DGKB: variants seen among roughly 807,000 people sequenced by gnomAD.
The protein encoded by DGKB is 90 kDa diacylglycerol kinase.
In DGKB, 67 loss-of-function variants were observed where a neutral mutation model predicts 114.3. The observed-to-expected ratio is 0.59, with a 90% CI of 0.48 to 0.72. The LOEUF (loss-of-function observed/expected upper bound fraction) is 0.72, where lower values mean the gene tolerates loss of function less well. Ranked by LOEUF, DGKB falls within the 30% of genes least tolerant of loss-of-function variation. The probability of loss-of-function intolerance (pLI) is 0.00; values close to 1 mark genes in which losing one functional copy is unlikely to be tolerated. For missense variants in DGKB, 907 were observed against 975.2 expected (o/e 0.93, Z 0.93); for synonymous variants, 398 against 323.1 (o/e 1.23, Z -2.49).
intron 17 of DGKB, among the ~76,000 whole-genome samples, chr7:14,589,629 G>C (rs917537115): frequency 2.0e-5 from 3 of 151,744 alleles, no homozygotes; most frequent in African/African-American, 7.3e-5. Flanking sequence ...AAAATATTAA[G>C]TTTTTCTGCA....
intron 1 of DGKB, among the ~76,000 whole-genome samples, chr7:14,951,372 T>C (rs1177474830): frequency 1.3e-5 from 2 of 151,884 alleles, no homozygotes; most frequent in African/African-American, 4.8e-5. Context: ...GGAAGAACAT[T>C]AAATGTAAGT....
At chr7:14,970,124 A>C (rs78690314) in intron 1 of DGKB, among the ~76,000 whole-genome samples, 5,080 of 152,230 alleles carry the variant, frequency 0.033, 295 homozygotes, top group African/African-American at 0.11. Context: ...AATCCCAATA[A>C]ATTATATGAC....
intron 1 of DGKB, among the ~76,000 whole-genome samples, chr7:14,856,841 T>C (rs1035835916): frequency 6.6e-6 from 1 of 152,164 alleles, no homozygotes; most frequent in African/African-American, 2.4e-5. Context: ...GCTGCCAAAT[T>C]CCTCCCAAAC....
At position 14,280,820 on chromosome 7, in the gene DGKB, TG is replaced by T. The variant is rs546484567; in HGVS notation, c.2122+57694del. On this transcript the variant is annotated intron_variant, in intron 23 of 25. Transcript: ENST00000402815. ...CAGACAAGCAAATGCTGAGAGATTT[TG>T]TCACCACCAGGCCTGCCCTAAAAGA... Among the ~76,000 whole-genome samples, 538 of 151,124 alleles carry T rather than the reference TG, an allele frequency of 3.6e-3. 14 individuals are homozygous for T. Among genetic ancestry groups the T allele is most frequent in the Admixed American group, 0.034 (516 of 15,192 alleles).
chr7:14,898,838 G>A (rs2128235087), intron 1 of DGKB, among the ~76,000 whole-genome samples: 1 of 152,206 alleles, frequency 6.6e-6, no homozygotes, highest in Non-Finnish European at 1.5e-5. Context: ...CAGCTTTTGT[G>A]CTCCTTGAAT....
chr7:14,689,172 T>G (rs1430246345), intron 9 of DGKB, among the ~76,000 whole-genome samples: 1 of 149,568 alleles, frequency 6.7e-6, no homozygotes, highest in Non-Finnish European at 1.5e-5. Flanking sequence ...AAAAAAAAAT[T>G]ATGACAATGT....
chr7:14,537,989 A>G (rs1257007325), intron 20 of DGKB, among the ~76,000 whole-genome samples: 1 of 149,902 alleles, frequency 6.7e-6, no homozygotes, highest in African/African-American at 2.4e-5. Flanking sequence ...CTGAGGCAGG[A>G]GAATCCCTTG....
At chr7:14,886,857 G>A (rs1361571840) in intron 1 of DGKB, among the ~76,000 whole-genome samples, 1 of 151,770 alleles carries the variant, frequency 6.6e-6, no homozygotes, top group African/African-American at 2.4e-5. Context: ...AGATAAAACA[G>A]CCTTGCGCCA....
At chr7:14,257,245 A>G (rs554007492) in intron 23 of DGKB, among the ~76,000 whole-genome samples, 2 of 152,256 alleles carry the variant, frequency 1.3e-5, no homozygotes, top group Admixed American at 1.3e-4. Context: ...AGAATAACTC[A>G]TATTAGTTCT....
At chr7:14,830,979 T>C (rs1846338189) in intron 2 of DGKB, among the ~76,000 whole-genome samples, 1 of 151,878 alleles carries the variant, frequency 6.6e-6, no homozygotes, top group Admixed American at 6.6e-5. Flanking sequence ...ACTTAGTTTT[T>C]TAAAATGAAA....
At chr7:14,647,126 C>A (rs1007294298) in intron 13 of DGKB, among the ~76,000 whole-genome samples, 2 of 152,016 alleles carry the variant, frequency 1.3e-5, no homozygotes, top group South Asian at 2.1e-4. Flanking sequence ...AAAAAGGAGA[C>A]ATTACAACTG....
At chr7:14,524,824 T>G (rs1790385670) in intron 20 of DGKB, among the ~76,000 whole-genome samples, 1 of 151,778 alleles carries the variant, frequency 6.6e-6, no homozygotes, top group Non-Finnish European at 1.5e-5. Context: ...ACGAAAATAC[T>G]AAAAAATTAC....
At chr7:14,903,855 C>T (rs1439440033), upstream of DGKB, among the ~76,000 whole-genome samples, 2 of 152,114 alleles carry the variant, frequency 1.3e-5, no homozygotes, top group Non-Finnish European at 2.9e-5. Context: ...AAGCAGTGTG[C>T]TTACCAGCTT....
rs150578203 is a variant in DGKB at position 14,668,540 on chromosome 7, G to T, written c.1134+4389C>A. On this transcript the variant is annotated intron_variant, in intron 13 of 25. Coordinates refer to ENST00000402815, the MANE Select transcript of DGKB (RefSeq NM_001350709.2). ...CTCAGTTTCCTCATATGTAAAATGG[G>T]AACAATTATAATATTTATCTTATGT... 1.7e-3 allele frequency among the ~76,000 whole-genome samples: 260 copies of T among 152,024 alleles called. 2 individuals are homozygous for T. Among genetic ancestry groups the T allele is most frequent in the African/African-American group, 6.1e-3 (252 of 41,510 alleles).
chr7:14,834,185 T>G (rs182726391), intron 2 of DGKB, among the ~76,000 whole-genome samples: 143 of 152,268 alleles, frequency 9.4e-4, no homozygotes, highest in African/African-American at 3.3e-3. Context: ...GTGATAATTT[T>G]TGTTATAAAT....
intron 23 of DGKB, among the ~76,000 whole-genome samples, chr7:14,196,925 C>T (rs1042895719): frequency 6.6e-6 from 1 of 152,028 alleles, no homozygotes; most frequent in Non-Finnish European, 1.5e-5. Context: ...AGGAACTGCA[C>T]TAACACTAAT....
chr7:14,766,840 C>G (rs1254312053), intron 2 of DGKB, among the ~76,000 whole-genome samples: 1 of 151,562 alleles, frequency 6.6e-6, no homozygotes, highest in African/African-American at 2.4e-5. Context: ...GCAAGAATAC[C>G]AGGAAAAATA....
intron 23 of DGKB, among the ~76,000 whole-genome samples, chr7:14,278,430 G>A (rs577586654): frequency 3.3e-5 from 5 of 152,258 alleles, no homozygotes; most frequent in Middle Eastern, 3.4e-3. Context: ...TGGGAAACCC[G>A]GATATCCACG....
intron 5 of DGKB, among the ~76,000 whole-genome samples, chr7:14,732,635 T>G (rs1215391172): frequency 6.6e-6 from 1 of 152,188 alleles, no homozygotes. Flanking sequence ...GGCCAAGCTT[T>G]GAAAAGGAAT....
Sources: allele counts gnomAD v4.1 joint callset (sites outside exome capture counted in the v4.1 genomes callset), GRCh38; gene constraint gnomAD v4.1.1; transcripts MANE v1.5; gene names NCBI Gene and HGNC (gene_info 2026-07-23, HGNC 2026-07-21).